Variants in KIAA1217 observed in about 807,000 individuals in gnomAD.
KIAA1217 encodes KIAA1217.
A neutral mutation model predicts 163.9 loss-of-function variants in KIAA1217; 88 were observed. The observed-to-expected ratio is 0.54, with a 90% CI of 0.45 to 0.64. KIAA1217 has a LOEUF of 0.64. Ranked by LOEUF, KIAA1217 falls within the 30% of genes least tolerant of loss-of-function variation. The pLI, the probability that KIAA1217 is intolerant of heterozygous loss-of-function variation, is 0.00. For synonymous variants in KIAA1217, 903 were observed against 923.1 expected (o/e 0.98, Z 0.39); for missense variants, 2,372 against 2,475.0 (o/e 0.96, Z 0.88).
intron 2 of KIAA1217, among the ~76,000 whole-genome samples, chr10:24,250,317 A>T (rs2074327814): frequency 6.6e-6 from 1 of 152,184 alleles, no homozygotes; most frequent in African/African-American, 2.4e-5. Flanking sequence ...TTGGTTCACA[A>T]AAGAGTGCTT....
intron 2 of KIAA1217, among the ~76,000 whole-genome samples, chr10:24,346,672 G>A (rs2047829761): frequency 7.1e-6 from 1 of 140,970 alleles, no homozygotes; most frequent in Non-Finnish European, 1.5e-5. Context: ...CTGCATTCAA[G>A]CGATTCTTGT....
chr10:23,733,388 A>G (rs1002082257), intron 1 of KIAA1217, among the ~76,000 whole-genome samples: 4 of 152,218 alleles, frequency 2.6e-5, no homozygotes, highest in African/African-American at 9.6e-5. Flanking sequence ...TCAGTAGTAC[A>G]ATCATTTTTG....
chr10:23,755,164 C>G (rs1833859331), intron 1 of KIAA1217, among the ~76,000 whole-genome samples: 1 of 152,280 alleles, frequency 6.6e-6, no homozygotes, highest in South Asian at 2.1e-4. Context: ...GGCCCAGATT[C>G]TTTCCTGAGC....
chr10:24,384,237 C>T (rs2053702742), intron 3 of KIAA1217, among the ~76,000 whole-genome samples: 1 of 152,138 alleles, frequency 6.6e-6, no homozygotes, highest in Admixed American at 6.5e-5. Context: ...TCTCATGAAG[C>T]CCTGTTGATC....
At chr10:23,963,623 A>G (rs1377192800) in intron 1 of KIAA1217, among the ~76,000 whole-genome samples, 1 of 152,198 alleles carries the variant, frequency 6.6e-6, no homozygotes, top group Admixed American at 6.5e-5. Flanking sequence ...TCCTTTGAGT[A>G]TATACCCAGT....
At chr10:23,822,597 C>T (rs1235481800) in intron 1 of KIAA1217, among the ~76,000 whole-genome samples, 1 of 152,184 alleles carries the variant, frequency 6.6e-6, no homozygotes, top group African/African-American at 2.4e-5. Flanking sequence ...CAGGTTGTTT[C>T]TGCATCACAG....
At chr10:23,726,174 T>C (rs1838119400) in intron 1 of KIAA1217, among the ~76,000 whole-genome samples, 1 of 152,124 alleles carries the variant, frequency 6.6e-6, no homozygotes, top group Admixed American at 6.5e-5. Flanking sequence ...GGGTTTTAAA[T>C]TCATCTTTTT....
intron 1 of KIAA1217, among the ~76,000 whole-genome samples, chr10:23,944,039 A>G (rs1196608070): frequency 1.3e-5 from 2 of 152,252 alleles, no homozygotes; most frequent in Non-Finnish European, 2.9e-5. Context: ...TTAAGAAAAG[A>G]TACCAAAAGC....
intron 5 of KIAA1217, among the ~76,000 whole-genome samples, chr10:24,449,970 CTTAAA>C (rs1001639308): frequency 6.6e-6 from 1 of 152,218 alleles, no homozygotes; most frequent in African/African-American, 2.4e-5. Context: ...TTGAAATCCA[CTTAAA>C]TTAAACTGGG....
rs186803531 is a variant in KIAA1217 at position 24,442,213 on chromosome 10, C to T, written c.846+3734C>T. On this transcript the variant is annotated intron_variant, in intron 5 of 20. Transcript: ENST00000376454. ...TGTATTTGACACCAGTGAATGGTCC[C>T]CTTATAAATCATTGGTCTCCATGGC... Among the ~76,000 whole-genome samples the T allele has an allele frequency of 1.4e-4, 22 of 152,260 alleles. No individual in the cohort carries two copies. In the East Asian group the frequency reaches 2.5e-3, roughly 17 times the overall value.
intron 2 of KIAA1217, among the ~76,000 whole-genome samples, chr10:24,329,695 C>T (rs1385410208): frequency 6.6e-6 from 1 of 152,118 alleles, no homozygotes; most frequent in Non-Finnish European, 1.5e-5. Flanking sequence ...TAAATATGAT[C>T]GTGTAATGTA....
chr10:23,842,223 C>T lies in KIAA1217; in HGVS notation c.-321+146989C>T, dbSNP rs187154695. 2.9e-4 allele frequency among the ~76,000 whole-genome samples: 44 copies of T among 152,190 alleles called. 2 individuals carry two copies. The East Asian group carries it at 8.3e-3, about 29-fold the overall frequency. On this transcript the variant is annotated intron_variant, in intron 1 of 18. Coordinates refer to the KIAA1217 transcript ENST00000376462. Reference sequence around the variant, plus strand: ...TGCCTTATTCCCTCTTACTGCAGACCAGTTTTCTGTTTTCCAATCTACAAG... The same window carrying T: ...TGCCTTATTCCCTCTTACTGCAGACTAGTTTTCTGTTTTCCAATCTACAAG...
intron 1 of KIAA1217, among the ~76,000 whole-genome samples, chr10:23,772,052 T>C (rs1834821017): frequency 6.6e-6 from 1 of 152,242 alleles, no homozygotes; most frequent in Admixed American, 6.5e-5. Flanking sequence ...ATTTTAAAAG[T>C]GTGATTTAAA....
intron 2 of KIAA1217, among the ~76,000 whole-genome samples, chr10:24,010,179 CT>C (rs1180386588): frequency 6.6e-6 from 1 of 151,240 alleles, no homozygotes; most frequent in Admixed American, 6.6e-5. Flanking sequence ...TGTATGAACG[CT>C]TTTTAAAAAA....
intron 1 of KIAA1217, among the ~76,000 whole-genome samples, chr10:23,786,017 A>G (rs1835476349): frequency 6.6e-6 from 1 of 152,172 alleles, no homozygotes; most frequent in African/African-American, 2.4e-5. Context: ...GTTGCCCTCA[A>G]AAAACTTCCT....
intron 1 of KIAA1217, among the ~76,000 whole-genome samples, chr10:23,815,599 A>G (rs969715623): frequency 2.6e-5 from 4 of 152,214 alleles, no homozygotes; most frequent in African/African-American, 7.2e-5. Context: ...AGCTGAGATC[A>G]GGCCACTGCA....
intron 2 of KIAA1217, among the ~76,000 whole-genome samples, chr10:24,074,447 T>C (rs554421419): frequency 6.6e-6 from 1 of 152,334 alleles, no homozygotes; most frequent in South Asian, 2.1e-4. Context: ...TCTGTCCATA[T>C]TAACCTCTAT....
intron 1 of KIAA1217, among the ~76,000 whole-genome samples, chr10:23,962,808 T>C (rs56237737): frequency 6.9e-4 from 105 of 152,322 alleles, no homozygotes; most frequent in Middle Eastern, 3.4e-3. Context: ...GATAACTGAC[T>C]TGAAGCTAAA....
At chr10:23,955,682 A>T (rs1337669659) in intron 1 of KIAA1217, among the ~76,000 whole-genome samples, 1 of 152,214 alleles carries the variant, frequency 6.6e-6, no homozygotes, top group Non-Finnish European at 1.5e-5. Context: ...ATCAAACGGC[A>T]AGTTAGCTGG....
Sources: allele counts gnomAD v4.1 joint callset (sites outside exome capture counted in the v4.1 genomes callset), GRCh38; gene constraint gnomAD v4.1.1; transcripts MANE v1.5; gene names NCBI Gene and HGNC (gene_info 2026-07-23, HGNC 2026-07-21).